Variants in MLIP observed in about 807,000 individuals in gnomAD.
MLIP encodes the protein muscular LMNA interacting protein.
Under a neutral mutation model 84.8 loss-of-function variants are expected in MLIP, and 79 were observed. The observed-to-expected ratio is 0.93, with a 90% CI of 0.78 to 1.12. MLIP has a LOEUF of 1.12. Among genes scored for constraint, MLIP ranks in the 50% most tolerant of loss-of-function variants. MLIP has a pLI of 0.00. For synonymous variants in MLIP, 504 were observed against 463.0 expected, an observed-to-expected ratio of 1.09 and a Z score of -1.14; for missense variants, 1,257 against 1,160.6, an observed-to-expected ratio of 1.08 and a Z score of -1.21.
chr6:54,155,528 ATTCTTCC>A (rs1376577765), intron 5 of MLIP, among the ~76,000 whole-genome samples: 1 of 152,150 alleles, frequency 6.6e-6, no homozygotes, highest in Non-Finnish European at 1.5e-5. Context: ...CTGTTAGATC[ATTCTTCC>A]TTTGGAGGCA....
At chr6:54,235,846 C>A (rs924877943) in intron 12 of MLIP, among the ~76,000 whole-genome samples, 1 of 152,046 alleles carries the variant, frequency 6.6e-6, no homozygotes, top group Non-Finnish European at 1.5e-5. Context: ...GGCATCTGAC[C>A]TTCTCTTGTG....
intron 1 of MLIP, among the ~76,000 whole-genome samples, chr6:54,078,559 G>A (rs1226881435): frequency 6.6e-6 from 1 of 152,096 alleles, no homozygotes; most frequent in African/African-American, 2.4e-5. Flanking sequence ...ATTCCAGCCT[G>A]GGCAACAGAG....
In MLIP at chr6:54,230,875, G is replaced by C; in HGVS notation, c.2880G>C (p.Gln960His). 1 of 1,613,964 alleles carries C rather than the reference G, an allele frequency of 6.2e-7. No individual in the cohort carries two copies. The highest frequency in any genetic ancestry group is 8.5e-7 in the Non-Finnish European group (1 of 1,179,950). The change falls in exon 12 of 14, where the codon CAG (glutamine) becomes CAC (histidine). Residue 960 changes from glutamine (Q) to histidine (H), a missense_variant. Gln to His is a conservative substitution (Grantham distance 24, BLOSUM62 0). Coordinates refer to ENST00000502396, the MANE Select transcript of MLIP (RefSeq NM_001281747.2). ...SHLSFSLSDE[Q>H]ENSHTLLSHN... Reference sequence around the variant, plus strand: ...TGTCCTTCTCCTTGAGTGATGAACAGGAGAATTCTCACACCCTCCTCAGTC... The same window carrying C: ...TGTCCTTCTCCTTGAGTGATGAACACGAGAATTCTCACACCCTCCTCAGTC...
In MLIP at chr6:54,137,082, G is replaced by C. The variant is rs983855768; in HGVS notation, c.1013G>C (p.Ser338Thr). ...ACAACTTTAACCTCGCATGTCCTTA[G>C]TCACGGAGAAAGTCCGAGAACCTCT... ...KKTTLTSHVL[S>T]HGESPRTSSS... Residue 338 changes from serine to threonine, a missense_variant, in exon 4 of 14, where the codon AGT (serine) becomes ACT (threonine). Physicochemically the swap from Ser to Thr is moderately conservative, Grantham distance 58. Coordinates refer to ENST00000502396, the MANE Select transcript of MLIP (RefSeq NM_001281747.2). 1 of 1,536,022 alleles carries C rather than the reference G, an allele frequency of 6.5e-7. No homozygotes were observed. Among genetic ancestry groups the C allele is most frequent in the Non-Finnish European group, 8.7e-7 (1 of 1,146,866 alleles).
intron 12 of MLIP, among the ~76,000 whole-genome samples, chr6:54,251,776 T>A (rs1190334989): frequency 5.1e-5 from 5 of 98,224 alleles, no homozygotes; most frequent in African/African-American, 1.7e-4. Flanking sequence ...AAATATATAT[T>A]ATAACATATA....
At chr6:54,219,269 G>T (rs1469924387) in intron 11 of MLIP, among the ~76,000 whole-genome samples, 2 of 149,176 alleles carry the variant, frequency 1.3e-5, no homozygotes, top group African/African-American at 2.5e-5. Flanking sequence ...ACATTATGCA[G>T]CTGTACAAAA....
At position 54,076,896 on chromosome 6, in the gene MLIP, A is replaced by G. The variant is rs543261773; in HGVS notation, c.64-44551A>G. Among the ~76,000 whole-genome samples the G allele has an allele frequency of 2.1e-3, 317 of 152,282 alleles. 1 individual carries two copies. Among genetic ancestry groups the G allele is most frequent in the African/African-American group, 7.4e-3 (307 of 41,548 alleles). On this transcript the variant is annotated intron_variant, in intron 1 of 12. Coordinates refer to the MLIP transcript ENST00000274897. ...AAGGATTTTTGGTTTTAAAAAGAAA[A>G]AAAAAGAGACAGAAATAAAAATGGA...
At chr6:54,175,728 G>A (rs1188120645) in intron 9 of MLIP, among the ~76,000 whole-genome samples, 3 of 151,614 alleles carry the variant, frequency 2.0e-5, no homozygotes, top group African/African-American at 7.3e-5. Flanking sequence ...TCCAATTTAG[G>A]TGCCCTTTAT....
chr6:54,109,309 T>G (rs1204864247), upstream of MLIP, among the ~76,000 whole-genome samples: 4 of 152,170 alleles, frequency 2.6e-5, no homozygotes, highest in African/African-American at 4.8e-5. Flanking sequence ...TAACGTGTAT[T>G]AAGAATCTGC....
At chr6:54,150,115 GA>G (rs1773284835) in intron 5 of MLIP, among the ~76,000 whole-genome samples, 1 of 152,114 alleles carries the variant, frequency 6.6e-6, no homozygotes, top group Non-Finnish European at 1.5e-5. Context: ...AGCATGATCT[GA>G]AGAGTAAAAC....
Position 54,211,300 on chromosome 6 carries a change from T to G in MLIP, c.2718+9067T>G, listed in dbSNP as rs565161028. ...ATTTTATCTGCAAAAGGAAAGCAAG[T>G]TTATATGATGTTTATTACATTGGGT... is the stretch of plus-strand genomic sequence containing the variant. On this transcript the variant is annotated intron_variant, in intron 11 of 13. Coordinates refer to ENST00000502396, the MANE Select transcript of MLIP (RefSeq NM_001281747.2). 3.3e-5 allele frequency among the ~76,000 whole-genome samples: 5 copies of G among 152,274 alleles called. No individual in the cohort carries two copies. The South Asian group carries it at 1.0e-3, about 32-fold the overall frequency.
chr6:54,074,848 C>T (rs1234833116), intron 1 of MLIP, among the ~76,000 whole-genome samples: 1 of 152,142 alleles, frequency 6.6e-6, no homozygotes, highest in Non-Finnish European at 1.5e-5. Context: ...ACACCTGGTA[C>T]ACTGAAAGCA....
chr6:54,123,779 C>T (rs1770671490), intron 2 of MLIP, among the ~76,000 whole-genome samples: 1 of 152,166 alleles, frequency 6.6e-6, no homozygotes, highest in South Asian at 2.1e-4. Flanking sequence ...ACATGGCTGT[C>T]ATAGTTTTAG....
At chr6:54,245,615 A>AT (rs1375445840) in intron 12 of MLIP, among the ~76,000 whole-genome samples, 6 of 152,254 alleles carry the variant, frequency 3.9e-5, no homozygotes, top group African/African-American at 1.4e-4. Flanking sequence ...TAAAATATAT[A>AT]TTTTGTCTAC....
chr6:54,115,116 G>A (rs972660938), intron 1 of MLIP, among the ~76,000 whole-genome samples: 5 of 152,138 alleles, frequency 3.3e-5, no homozygotes, highest in Non-Finnish European at 5.9e-5. Context: ...TACGATTGTT[G>A]GGCAGCATTG....
chr6:54,039,494 T>C (rs755055861), intron 1 of MLIP, among the ~76,000 whole-genome samples: 8 of 151,900 alleles, frequency 5.3e-5, no homozygotes, highest in Non-Finnish European at 1.0e-4. Context: ...ATGTGGGCAA[T>C]TGTGTCTCTC....
In MLIP at chr6:54,239,890, A is replaced by C. The variant is rs78105684; in HGVS notation, c.2922+8973A>C. Among the ~76,000 whole-genome samples, 1,271 of 152,308 alleles carry C rather than the reference A, an allele frequency of 8.3e-3. 19 individuals carry two copies. The highest frequency in any genetic ancestry group is 0.028 in the African/African-American group (1,154 of 41,568). ...CCCTTCCAGTCAATAAATATTTTTAAAATTATATGATTTCAATATTTTTAG... is the reference window on the plus strand; with the variant it reads ...CCCTTCCAGTCAATAAATATTTTTACAATTATATGATTTCAATATTTTTAG... On this transcript the variant is annotated intron_variant, in intron 12 of 13. Coordinates refer to ENST00000502396, the MANE Select transcript of MLIP (RefSeq NM_001281747.2).
At chr6:54,145,684 A>T (rs1772736267) in intron 4 of MLIP, among the ~76,000 whole-genome samples, 1 of 151,986 alleles carries the variant, frequency 6.6e-6, no homozygotes, top group Admixed American at 6.6e-5. Context: ...GCTGAGGTGG[A>T]AGAATTGCTT....
chr6:54,190,532 T>C (rs1048260656), intron 10 of MLIP, among the ~76,000 whole-genome samples: 2 of 152,156 alleles, frequency 1.3e-5, no homozygotes, highest in African/African-American at 4.8e-5. Flanking sequence ...TATTTTTACA[T>C]TACTTTTTTT....
Sources: gnomAD v4.1 joint callset for allele counts (sites outside exome capture counted in the v4.1 genomes callset) on GRCh38, gnomAD v4.1.1 for gene constraint, MANE v1.5 for transcripts, NCBI Gene and HGNC (gene_info 2026-07-23, HGNC 2026-07-21) for gene names.